Variants in DNAH9 observed in about 807,000 individuals in gnomAD.
DNAH9 encodes DNAH9 variant protein.
In DNAH9, 345 loss-of-function variants were observed where a neutral mutation model predicts 471.6. The observed-to-expected ratio is 0.73, with a 90% CI of 0.67 to 0.80. DNAH9 has a LOEUF of 0.80. DNAH9 is among the 30% of genes least tolerant of loss of function. The pLI, the probability that DNAH9 is intolerant of heterozygous loss-of-function variation, is 0.00. For missense variants in DNAH9, 5,407 were observed against 5,609.2 expected (o/e 0.96, Z 1.15); for synonymous variants, 2,093 against 2,123.6 (o/e 0.99, Z 0.40).
At position 11,623,283 on chromosome 17, in the gene DNAH9, T is replaced by G. The variant is rs1020054886; in HGVS notation, c.1350+3502T>G. ...GCCACCGTGCCCGGCCAGCATTTCTTTTCTTGACTGTGTTTCCCTCTCTTT... is the reference window on the plus strand; with the variant it reads ...GCCACCGTGCCCGGCCAGCATTTCTGTTCTTGACTGTGTTTCCCTCTCTTT... On this transcript the variant is annotated intron_variant, in intron 6 of 68. Transcript: ENST00000262442. The surrounding 1 kb of genome is among the most constrained non-coding windows in gnomAD (Gnocchi z 4.1). 5.9e-5 allele frequency among the ~76,000 whole-genome samples: 9 copies of G among 152,002 alleles called. No individual in the cohort carries two copies. Among genetic ancestry groups the G allele is most frequent in the Non-Finnish European group, 1.3e-4 (9 of 67,992 alleles).
intron 52 of DNAH9, among the ~76,000 whole-genome samples, chr17:11,872,445 G>A (rs1030393790): frequency 8.0e-5 from 12 of 149,888 alleles, no homozygotes; most frequent in Middle Eastern, 3.5e-3. Context: ...ATACTTGGAC[G>A]CGAGCATCAG....
At chr17:11,655,165 A>C (rs1312632415) in intron 14 of DNAH9, among the ~76,000 whole-genome samples, 1 of 151,742 alleles carries the variant, frequency 6.6e-6, no homozygotes, top group Non-Finnish European at 1.5e-5. Flanking sequence ...CCGAGTCCCC[A>C]AAGTCCATTG....
intron 61 of DNAH9, among the ~76,000 whole-genome samples, chr17:11,920,098 A>C (rs1007590410): frequency 6.7e-6 from 1 of 148,516 alleles, no homozygotes; most frequent in African/African-American, 2.5e-5. Flanking sequence ...GTGCAATGGC[A>C]CAATCTCAGC....
At chr17:11,840,807 G>A (rs140781880) in intron 49 of DNAH9, among the ~76,000 whole-genome samples, 1 of 152,256 alleles carries the variant, frequency 6.6e-6, no homozygotes, top group Non-Finnish European at 1.5e-5. Flanking sequence ...ACGAGCCAAG[G>A]AATCGGACAA....
chr17:11,822,197 G>C (rs984940534), intron 46 of DNAH9, 135 bp downstream of exon 46: 2 of 1,126,838 alleles, frequency 1.8e-6, no homozygotes, highest in Non-Finnish European at 2.5e-6. Context: ...TTCTCAGCCT[G>C]AGCACAGTTG....
At chr17:11,806,215 C>T (rs1012428730) in intron 43 of DNAH9, among the ~76,000 whole-genome samples, 8 of 152,180 alleles carry the variant, frequency 5.3e-5, no homozygotes, top group East Asian at 1.9e-4. Flanking sequence ...AGCAGATCCA[C>T]CTTTTGATCA....
At chr17:11,841,055 T>C (rs899571138) in intron 49 of DNAH9, among the ~76,000 whole-genome samples, 1 of 152,260 alleles carries the variant, frequency 6.6e-6, no homozygotes, top group Admixed American at 6.5e-5. Context: ...AAAATAGCTG[T>C]TCTTACAGTT....
chr17:11,959,148 A>G (rs1567578422), intron 67 of DNAH9, among the ~76,000 whole-genome samples: 1 of 152,242 alleles, frequency 6.6e-6, no homozygotes, highest in Non-Finnish European at 1.5e-5. Context: ...GGATATCCAA[A>G]GAAAACATAT....
Position 11,623,025 on chromosome 17 carries a change from G to C in DNAH9, c.1350+3244G>C, listed in dbSNP as rs139809005. Among the ~76,000 whole-genome samples the C allele has an allele frequency of 2.8e-5, 4 of 142,318 alleles. No homozygotes were observed. The highest frequency in any genetic ancestry group is 6.0e-5 in the Non-Finnish European group (4 of 66,648). 93.4% of individuals were successfully genotyped at this position (142,318 alleles called of 152,430 possible). On this transcript the variant is annotated intron_variant, in intron 6 of 68. Transcript: ENST00000262442. This position sits in a 1 kb window ranked among gnomAD's most constrained non-coding sequence, Gnocchi z 4.1. ...TTTTGCTCTTGTTGCCCAGGCTGGA[G>C]TGCAGTGGCACAATCTCGGCTCACG...
In DNAH9 at chr17:11,783,686, G is replaced by A; in HGVS notation, c.7759G>A (p.Val2587Ile). The change falls in exon 40 of 69, where the codon GTA (valine) becomes ATA (isoleucine). Residue 2587 changes from valine (V) to isoleucine (I), a missense_variant. Around this residue, in one of 3 missense-constraint regions of DNAH9, gnomAD observed 4,636 missense variants for 4,900.3 expected, o/e 0.95. Transcript: ENST00000262442. ...GCTGTCCCTAAAGGAGATCACAAAT[G>A]TACAGTATGTTTCCTGTATGAACCC... Reference protein sequence around the residue: ...SKLSLKEITNVQYVSCMNPTA... With the variant: ...SKLSLKEITNIQYVSCMNPTA... The A allele has an allele frequency of 1.9e-6, 3 of 1,614,066 alleles. No individual in the cohort carries two copies. The highest frequency in any genetic ancestry group is 2.5e-6 in the Non-Finnish European group (3 of 1,180,016).
At position 11,647,738 on chromosome 17, in the gene DNAH9, C is replaced by T. The variant is rs569444470; in HGVS notation, c.2097+540C>T. On this transcript the variant is annotated intron_variant, in intron 12 of 68. Transcript: ENST00000262442. ...GTCTAGTTGGGGGTCACAACCTTAA[C>T]ATGCAAAATTTTATCTTCACTAGAT... Among the ~76,000 whole-genome samples, 3 of 152,272 alleles carry T rather than the reference C, an allele frequency of 2.0e-5. No individual in the cohort carries two copies. The South Asian group carries it at 6.2e-4, about 32-fold the overall frequency.
intron 62 of DNAH9, among the ~76,000 whole-genome samples, chr17:11,926,044 A>G (rs1315398604): frequency 7.0e-5 from 10 of 143,586 alleles, no homozygotes; most frequent in Admixed American, 3.4e-4. Flanking sequence ...TGAAAAAAAA[A>G]AAAAAAAAAA....
intron 26 of DNAH9, among the ~76,000 whole-genome samples, chr17:11,714,591 T>C (rs2074927680): frequency 6.6e-6 from 1 of 152,162 alleles, no homozygotes; most frequent in African/African-American, 2.4e-5. Context: ...GAGTAAAAAC[T>C]GTGACTGTGA....
chr17:11,911,109 G>A (rs1435763739), intron 61 of DNAH9, among the ~76,000 whole-genome samples: 2 of 152,022 alleles, frequency 1.3e-5, no homozygotes, highest in Non-Finnish European at 2.9e-5. Flanking sequence ...TAAAACGATT[G>A]CCAACCTAAG....
rs9892462 is a variant in DNAH9 at position 11,611,164 on chromosome 17, G to A, written c.774-486G>A. 4.6e-3 allele frequency among the ~76,000 whole-genome samples: 698 copies of A among 152,240 alleles called. 6 individuals carry two copies. Among genetic ancestry groups the A allele is most frequent in the African/African-American group, 0.016 (653 of 41,526 alleles). On this transcript the variant is annotated intron_variant, in intron 3 of 68. Transcript: ENST00000262442. The stretch of plus-strand genomic sequence containing the variant: ...CAAAAGGAGGCAGACAGATGTTAGC[G>A]GCAGACGTGCCTGTCCTGGCATGGA...
chr17:11,752,754 G>C, intron 32 of DNAH9, 79 bp from the exon 33 acceptor site: 1 of 1,250,198 alleles, frequency 8.0e-7, no homozygotes, highest in Non-Finnish European at 1.1e-6. Context: ...GTGTGTTGTA[G>C]CTAAAGGGGG....
chr17:11,605,674 A>AT (rs59748847), intron 1 of DNAH9, among the ~76,000 whole-genome samples: 2,474 of 145,026 alleles, frequency 0.017, 85 homozygotes, highest in African/African-American at 0.057. Context: ...CAATTTTTCT[A>AT]TTTTTTTTTT....
At position 11,664,743 on chromosome 17, in the gene DNAH9, T is replaced by C; in HGVS notation, c.2596-90T>C. ...AATTCTCCACAAGAGAGTTTTTTTC[T>C]CCATATGTTGTTTTTATTTTGACTG... On this transcript the variant is annotated intron_variant, in intron 14 of 68. Transcript: ENST00000262442. 3 of 1,079,750 alleles carry C rather than the reference T, an allele frequency of 2.8e-6. No individual in the cohort carries two copies. In the South Asian group the frequency reaches 4.3e-5, roughly 15 times the overall value. The allele number at this position is 1,079,750 out of a possible 1,614,324, so 66.9% of individuals were successfully genotyped here.
chr17:11,822,235 G>A (rs1014655842), intron 46 of DNAH9, among the ~76,000 whole-genome samples, 173 bp downstream of exon 46: 1 of 152,204 alleles, frequency 6.6e-6, no homozygotes, highest in African/African-American at 2.4e-5. Context: ...TCTGCTTTAA[G>A]GGCAGCAGCA....
Sources: allele counts gnomAD v4.1 joint callset (sites outside exome capture counted in the v4.1 genomes callset), GRCh38; gene constraint gnomAD v4.1.1; regional missense constraint gnomAD v4.1.1; non-coding constraint Gnocchi (gnomAD v3.1); transcripts MANE v1.5; gene names NCBI Gene and HGNC (gene_info 2026-07-23, HGNC 2026-07-21).